DNAH11: variants seen among roughly 807,000 people sequenced by gnomAD.
DNAH11 encodes the protein axonemal beta dynein heavy chain 11.
A neutral mutation model predicts 526.0 loss-of-function variants in DNAH11; 442 were observed. The ratio of observed to expected loss-of-function variants is 0.84; its 90% CI spans 0.78 to 0.91. The LOEUF is 0.91. Among genes scored for constraint, DNAH11 ranks in the 40% least tolerant of loss-of-function variants. DNAH11 has a pLI of 0.00. For missense variants in DNAH11, 6,989 were observed against 5,448.7 expected (o/e 1.28, Z -8.90); for synonymous variants, 2,461 against 1,935.9 (o/e 1.27, Z -7.12).
chr7:21,687,069 T>A (rs368859971), intron 32 of DNAH11, 30 bp from the exon 33 acceptor site: 16 of 1,593,552 alleles, frequency 1.0e-5, no homozygotes, highest in Non-Finnish European at 1.4e-5. Context: ...CATATTAGAC[T>A]GTGATGTTTG....
At chr7:21,630,748 T>C (rs1786565516) in intron 25 of DNAH11, among the ~76,000 whole-genome samples, 1 of 152,220 alleles carries the variant, frequency 6.6e-6, no homozygotes, top group African/African-American at 2.4e-5. Flanking sequence ...TGCTTTACGA[T>C]TCTCTGTGTC....
chr7:21,725,750 T>C, intron 44 of DNAH11, 61 bp from the exon 45 acceptor site: 2 of 1,509,426 alleles, frequency 1.3e-6, no homozygotes, highest in Non-Finnish European at 9.0e-7. Context: ...ATAATTTGTT[T>C]CTTTTTTTAC....
chr7:21,630,746 G>A (rs952625756), intron 25 of DNAH11, among the ~76,000 whole-genome samples: 1 of 152,028 alleles, frequency 6.6e-6, no homozygotes, highest in Admixed American at 6.5e-5. Flanking sequence ...GTTGCTTTAC[G>A]ATTCTCTGTG....
intron 35 of DNAH11, among the ~76,000 whole-genome samples, chr7:21,694,772 C>T (rs1238354961): frequency 6.6e-6 from 1 of 152,132 alleles, no homozygotes; most frequent in African/African-American, 2.4e-5. Flanking sequence ...GAGGAATTGC[C>T]ACACTGTCTT....
At position 21,735,561 on chromosome 7, in the gene DNAH11, T is replaced by C; in HGVS notation, c.7441-79T>C. The C allele has an allele frequency of 2.4e-6, 3 of 1,256,836 alleles. No homozygotes were observed. In the Admixed American group the frequency reaches 6.6e-5, roughly 28 times the overall value. The allele number at this position is 1,256,836 out of a possible 1,614,324, so 77.9% of individuals were successfully genotyped here. ...TAAAGTGACTGTGTTGAGTTTGATA[T>C]AAAATTTTGGAATGCCTCTCTCTCG... is the stretch of plus-strand genomic sequence containing the variant. On this transcript the variant is annotated intron_variant, in intron 45 of 81. Coordinates refer to ENST00000409508, the MANE Select transcript of DNAH11 (RefSeq NM_001277115.2).
intron 2 of DNAH11, among the ~76,000 whole-genome samples, chr7:21,545,871 G>C (rs1185036176): frequency 2.0e-5 from 3 of 152,220 alleles, no homozygotes; most frequent in African/African-American, 7.2e-5. Context: ...CATGGAACTA[G>C]AACCTGGCTC....
At chr7:21,727,608 C>T (rs1236564835) in intron 45 of DNAH11, among the ~76,000 whole-genome samples, 1 of 152,112 alleles carries the variant, frequency 6.6e-6, no homozygotes, top group Non-Finnish European at 1.5e-5. Context: ...AATGTGTTTT[C>T]CTTTTCATAT....
At position 21,891,912 on chromosome 7, in the gene DNAH11, A is replaced by G. The variant is rs565549596; in HGVS notation, c.12508-513A>G. On this transcript the variant is annotated intron_variant, in intron 76 of 81. Transcript: ENST00000409508. ...ATTTATAATTATAAAATTCAGGTATATAAATTCACATCATATATAAAATGA... is the reference window on the plus strand; with the variant it reads ...ATTTATAATTATAAAATTCAGGTATGTAAATTCACATCATATATAAAATGA... Among the ~76,000 whole-genome samples the G allele has an allele frequency of 7.9e-5, 12 of 152,348 alleles. No homozygotes were observed. The South Asian group carries it at 2.5e-3, about 32-fold the overall frequency.
At chr7:21,896,830 A>T (rs897334160) in intron 79 of DNAH11, among the ~76,000 whole-genome samples, 10 of 152,200 alleles carry the variant, frequency 6.6e-5, no homozygotes, top group Non-Finnish European at 1.3e-4. Context: ...AGGGCAAGGC[A>T]GGAGGATCAC....
chr7:21,719,752 G>C (rs1220782975), intron 43 of DNAH11, among the ~76,000 whole-genome samples: 4 of 152,202 alleles, frequency 2.6e-5, no homozygotes, highest in Non-Finnish European at 5.9e-5. Flanking sequence ...TGGCAAGGAA[G>C]GAAAGGCACA....
intron 65 of DNAH11, among the ~76,000 whole-genome samples, chr7:21,827,976 T>G (rs1790382001): frequency 6.6e-6 from 1 of 151,134 alleles, no homozygotes; most frequent in Non-Finnish European, 1.5e-5. Context: ...TGAGACAGAG[T>G]CTTGCTCTGT....
rs559656635 is a variant in DNAH11 at position 21,853,462 on chromosome 7, T to C, written c.11061+831T>C. On this transcript the variant is annotated intron_variant, in intron 67 of 81. Coordinates refer to ENST00000409508, the MANE Select transcript of DNAH11 (RefSeq NM_001277115.2). The stretch of plus-strand genomic sequence containing the variant: ...AGATGGTAAAGTTAGAACAATTAAG[T>C]AAATTAACTTAGCTTTGAAGTTAAC... Among the ~76,000 whole-genome samples the C allele has an allele frequency of 4.0e-5, 6 of 151,788 alleles. No homozygotes were observed. The East Asian group carries it at 9.6e-4, about 24-fold the overall frequency.
chr7:21,814,238 TG>T, intron 63 of DNAH11, among the ~76,000 whole-genome samples: 1 of 152,192 alleles, frequency 6.6e-6, no homozygotes, highest in Admixed American at 6.5e-5. Context: ...GAAATTGCTC[TG>T]GTTTAGTCAG....
chr7:21,854,488 C>T lies in DNAH11; in HGVS notation c.11202+33C>T, dbSNP rs751445235. ...TGAATGAGCTAAGAAATATGGGAAA[C>T]TTTAGGAGTTCAATTTGTTTCTGGA... is the stretch of plus-strand genomic sequence containing the variant. On this transcript the variant is annotated intron_variant, in intron 68 of 81. Coordinates refer to ENST00000409508, the MANE Select transcript of DNAH11 (RefSeq NM_001277115.2). The T allele has an allele frequency of 3.8e-6, 6 of 1,592,656 alleles. 1 individual carries two copies. The South Asian group carries it at 7.0e-5, about 19-fold the overall frequency.
chr7:21,656,794 C>A (rs530264502), intron 29 of DNAH11, among the ~76,000 whole-genome samples: 1 of 152,116 alleles, frequency 6.6e-6, no homozygotes. Context: ...CTTTCTGTTG[C>A]TTTTTAATAT....
At chr7:21,899,506 C>A in intron 80 of DNAH11, 58 bp downstream of exon 80, 1 of 1,373,366 alleles carries the variant, frequency 7.3e-7, no homozygotes, top group East Asian at 2.3e-5. Flanking sequence ...TAACCAGAAG[C>A]CCTGCTTTGT....
At chr7:21,662,661 T>C (rs754986475) in intron 30 of DNAH11, among the ~76,000 whole-genome samples, 4 of 152,060 alleles carry the variant, frequency 2.6e-5, no homozygotes, top group Non-Finnish European at 4.4e-5. Flanking sequence ...TATTTTATTT[T>C]GTTACTAACT....
At chr7:21,792,001 A>C (rs115211662) in intron 61 of DNAH11, among the ~76,000 whole-genome samples, 2,728 of 152,266 alleles carry the variant, frequency 0.018, 68 homozygotes, top group African/African-American at 0.056. Flanking sequence ...GAAACTTTCA[A>C]CCATGGCAGA....
intron 63 of DNAH11, among the ~76,000 whole-genome samples, chr7:21,812,163 A>G (rs1489612962): frequency 6.6e-6 from 1 of 152,230 alleles, no homozygotes; most frequent in Non-Finnish European, 1.5e-5. Context: ...GAGGTTGTCA[A>G]GGATTGATAG....
Sources: allele counts gnomAD v4.1 joint callset (sites outside exome capture counted in the v4.1 genomes callset), GRCh38; gene constraint gnomAD v4.1.1; transcripts MANE v1.5; gene names NCBI Gene and HGNC (gene_info 2026-07-23, HGNC 2026-07-21).